Variants in DLGAP2 observed in about 807,000 individuals in gnomAD.
The protein encoded by DLGAP2 is DLG associated protein 2, also known as disks large-associated protein 2.
A neutral mutation model predicts 100.3 loss-of-function variants in DLGAP2; 26 were observed. The observed-to-expected ratio is 0.26, with a 90% CI of 0.19 to 0.36. DLGAP2 has a LOEUF of 0.36. DLGAP2 is among the 10% of genes least tolerant of loss of function. The probability of loss-of-function intolerance (pLI) is 1.00; values close to 1 mark genes in which losing one functional copy is unlikely to be tolerated. For missense variants in DLGAP2, 1,858 were observed against 1,453.2 expected, an observed-to-expected ratio of 1.28 and a Z score of -4.53; for synonymous variants, 886 against 630.1, an observed-to-expected ratio of 1.41 and a Z score of -6.08.
At chr8:1,670,663 A>T (rs1798668598) in intron 10 of DLGAP2, among the ~76,000 whole-genome samples, 2 of 152,182 alleles carry the variant, frequency 1.3e-5, no homozygotes. Context: ...TAGGTGGATG[A>T]CGAAGTCACC....
chr8:747,706 TGGTGGAATGAACGTGTCTGC>T (rs1820662544), intron 1 of DLGAP2, among the ~76,000 whole-genome samples: 4 of 50,168 alleles, frequency 8.0e-5, no homozygotes, highest in African/African-American at 1.6e-4. Context: ...GGCGGGTCTG[TGGTGGAATGAACGTGTCTGC>T]GGTGGGATGG....
chr8:1,375,133 C>G (rs1171077320), intron 3 of DLGAP2, among the ~76,000 whole-genome samples: 6 of 136,618 alleles, frequency 4.4e-5, no homozygotes, highest in Non-Finnish European at 9.4e-5. Flanking sequence ...AACGACACCT[C>G]TCCACGACCT....
chr8:1,681,165 A>G lies in DLGAP2; in HGVS notation c.2704+2536A>G, dbSNP rs544761995. Among the ~76,000 whole-genome samples the G allele has an allele frequency of 5.9e-5, 9 of 152,358 alleles. No individual in the cohort carries two copies. The South Asian group carries it at 1.9e-3, about 32-fold the overall frequency. ...CATTTGAGTTTATCCCATTCGGGAC[A>G]CATTCAGAAAGTTGTAGTCTTCTTT... is the stretch of plus-strand genomic sequence containing the variant. On this transcript the variant is annotated intron_variant, in intron 12 of 14. Coordinates refer to ENST00000637795, the MANE Select transcript of DLGAP2 (RefSeq NM_001346810.2).
At chr8:1,184,841 C>G (rs7018044) in intron 2 of DLGAP2, among the ~76,000 whole-genome samples, 2,915 of 152,286 alleles carry the variant, frequency 0.019, 103 homozygotes, top group African/African-American at 0.066. Context: ...ACGCCTTGGC[C>G]TTATAATCTC....
chr8:1,563,657 T>G (rs1200020784), intron 5 of DLGAP2, among the ~76,000 whole-genome samples: 1 of 152,040 alleles, frequency 6.6e-6, no homozygotes, highest in African/African-American at 2.4e-5. Flanking sequence ...CCAGGATATG[T>G]GAGTGACAGA....
intron 3 of DLGAP2, among the ~76,000 whole-genome samples, chr8:1,459,930 C>G (rs1200700350): frequency 6.6e-6 from 1 of 152,144 alleles, no homozygotes; most frequent in South Asian, 2.1e-4. Context: ...AAGTGATCCA[C>G]CCACCTCAGC....
In DLGAP2 at chr8:897,678, T is replaced by C. The variant is rs550835106; in HGVS notation, c.19-10234T>C. Among the ~76,000 whole-genome samples the C allele has an allele frequency of 5.3e-5, 8 of 151,140 alleles. No individual in the cohort carries two copies. The East Asian group carries it at 7.8e-4, about 15-fold the overall frequency. On this transcript the variant is annotated intron_variant, in intron 1 of 14. Coordinates refer to ENST00000637795, the MANE Select transcript of DLGAP2 (RefSeq NM_001346810.2). ...GCCCCTTCCCTGCCCCGGCAGCCGC[T>C]CTCCTCCCGCCCCTCCCCCTCCCCA...
chr8:925,880 T>G (rs1798803824), intron 2 of DLGAP2, among the ~76,000 whole-genome samples: 1 of 152,126 alleles, frequency 6.6e-6, no homozygotes, highest in South Asian at 2.1e-4. Flanking sequence ...CGTTGCATAA[T>G]AAAATGTATT....
chr8:1,599,148 T>C (rs941528888), intron 6 of DLGAP2, among the ~76,000 whole-genome samples: 2 of 152,226 alleles, frequency 1.3e-5, no homozygotes, highest in African/African-American at 4.8e-5. Context: ...CAGGAGCAAG[T>C]TGTTCAGTTT....
intron 8 of DLGAP2, among the ~76,000 whole-genome samples, chr8:1,656,975 C>G (rs574623830): frequency 4.6e-5 from 7 of 152,086 alleles, no homozygotes; most frequent in Non-Finnish European, 1.0e-4. Flanking sequence ...ATCTATTTCC[C>G]TGTAATTTGG....
chr8:859,365 G>T (rs142519491), intron 1 of DLGAP2, among the ~76,000 whole-genome samples: 53 of 152,282 alleles, frequency 3.5e-4, no homozygotes, highest in African/African-American at 1.2e-3. Flanking sequence ...ATCTGCCTTG[G>T]CCTCCCAAAG....
intron 2 of DLGAP2, among the ~76,000 whole-genome samples, chr8:1,102,387 AC>A (rs1804615212): frequency 6.7e-6 from 1 of 149,264 alleles, no homozygotes; most frequent in African/African-American, 2.4e-5. Context: ...ATTTATAGAT[AC>A]ATAAAACATT....
chr8:1,151,814 T>G (rs1175579223), intron 2 of DLGAP2, among the ~76,000 whole-genome samples: 1 of 152,218 alleles, frequency 6.6e-6, no homozygotes, highest in East Asian at 1.9e-4. Flanking sequence ...GCAGTCAACT[T>G]ATTTTTACAC....
At chr8:1,412,471 C>A (rs964351822) in intron 3 of DLGAP2, among the ~76,000 whole-genome samples, 1 of 152,226 alleles carries the variant, frequency 6.6e-6, no homozygotes, top group African/African-American at 2.4e-5. Flanking sequence ...GAATTCAGTG[C>A]TGAAATATCC....
chr8:1,439,930 GT>G lies in DLGAP2; in HGVS notation c.107-61431del, dbSNP rs542902990. 1.9e-3 allele frequency among the ~76,000 whole-genome samples: 292 copies of G among 152,258 alleles called. 1 individual carries two copies. Among genetic ancestry groups the G allele is most frequent in the African/African-American group, 6.9e-3 (285 of 41,560 alleles). ...TCCCTAGACAATGACAGTGAACGGA[GT>G]TTTTATTAAGGTCACAGTATATTTT... On this transcript the variant is annotated intron_variant, in intron 3 of 14. Coordinates refer to ENST00000637795, the MANE Select transcript of DLGAP2 (RefSeq NM_001346810.2).
intron 3 of DLGAP2, among the ~76,000 whole-genome samples, chr8:1,270,030 C>A (rs1400276103): frequency 6.6e-6 from 1 of 152,176 alleles, no homozygotes; most frequent in African/African-American, 2.4e-5. Flanking sequence ...ACAGGCCTTG[C>A]CCTTCTCAAC....
intron 1 of DLGAP2, among the ~76,000 whole-genome samples, chr8:800,790 T>A (rs1039069800): frequency 6.6e-6 from 1 of 151,924 alleles, no homozygotes; most frequent in Admixed American, 6.6e-5. Flanking sequence ...TTTCTGAGAG[T>A]GGGGTTGTGC....
chr8:1,556,426 G>T (rs774007812), intron 5 of DLGAP2, among the ~76,000 whole-genome samples: 4 of 151,544 alleles, frequency 2.6e-5, no homozygotes, highest in Non-Finnish European at 4.4e-5. Context: ...GGGCAGCTAA[G>T]GGGTCTGCTC....
At chr8:869,750 GC>G (rs892315691) in intron 1 of DLGAP2, among the ~76,000 whole-genome samples, 2 of 152,234 alleles carry the variant, frequency 1.3e-5, no homozygotes, top group African/African-American at 4.8e-5. Flanking sequence ...ATTTTGGCAA[GC>G]CTGTTTCCCC....
Sources: allele counts gnomAD v4.1 joint callset (sites outside exome capture counted in the v4.1 genomes callset), GRCh38; gene constraint gnomAD v4.1.1; transcripts MANE v1.5; gene names NCBI Gene and HGNC (gene_info 2026-07-23, HGNC 2026-07-21).